Variants in GRIP1 observed in about 807,000 individuals in gnomAD.
The protein encoded by GRIP1 is glutamate receptor interacting protein 1.
Under a neutral mutation model 129.9 loss-of-function variants are expected in GRIP1, and 45 were observed. The ratio of observed to expected loss-of-function variants is 0.35; its 90% CI spans 0.27 to 0.44. The LOEUF is 0.44. Ranked by LOEUF, GRIP1 falls within the 20% of genes least tolerant of loss-of-function variation. The pLI, the probability that GRIP1 is intolerant of heterozygous loss-of-function variation, is 1.00. For synonymous variants in GRIP1, 530 were observed against 520.8 expected, an observed-to-expected ratio of 1.02 and a Z score of -0.24; for missense variants, 1,196 against 1,396.8, an observed-to-expected ratio of 0.86 and a Z score of 2.29.
chr12:66,995,016 T>G (rs766540717), intron 1 of GRIP1, among the ~76,000 whole-genome samples: 1 of 152,068 alleles, frequency 6.6e-6, no homozygotes, highest in Non-Finnish European at 1.5e-5. Flanking sequence ...TGGAGTAGAA[T>G]TATGAGTCCA....
intron 17 of GRIP1, among the ~76,000 whole-genome samples, chr12:66,393,956 T>C (rs576788689): frequency 2.0e-5 from 3 of 152,260 alleles, no homozygotes; most frequent in African/African-American, 4.8e-5. Context: ...CTTCAGTCAA[T>C]TGTGGTCAGC....
intron 23 of GRIP1, among the ~76,000 whole-genome samples, chr12:66,369,318 T>C (rs1222419750): frequency 8.2e-5 from 12 of 145,602 alleles, no homozygotes; most frequent in Admixed American, 7.4e-4. Context: ...GGATGATACT[T>C]TTTTTTTCTT....
At chr12:66,589,194 T>TCTCTCTCTCTCTC (rs2063757008) in intron 2 of GRIP1, among the ~76,000 whole-genome samples, 9 of 95,604 alleles carry the variant, frequency 9.4e-5, no homozygotes, top group African/African-American at 4.1e-4. Context: ...CTCCCCCACC[T>TCTCTCTCTCTCTC]TCTCTCTCTC....
At chr12:66,858,063 A>G (rs2040037904) in intron 1 of GRIP1, among the ~76,000 whole-genome samples, 1 of 142,658 alleles carries the variant, frequency 7.0e-6, no homozygotes, top group Non-Finnish European at 1.5e-5. Context: ...AAGTCTCTCA[A>G]CAATATTCAC....
chr12:66,877,080 A>G (rs925947728), intron 1 of GRIP1, among the ~76,000 whole-genome samples: 6 of 152,004 alleles, frequency 3.9e-5, no homozygotes, highest in Non-Finnish European at 8.8e-5. Flanking sequence ...AACTTTATCA[A>G]TGACGGGTTA....
intron 1 of GRIP1, among the ~76,000 whole-genome samples, chr12:67,016,460 A>C (rs1714375152): frequency 6.6e-6 from 1 of 152,154 alleles, no homozygotes; most frequent in African/African-American, 2.4e-5. Flanking sequence ...CTCACACTAA[A>C]CCCTTGGACT....
At chr12:67,039,820 T>C (rs1342449536) in intron 1 of GRIP1, among the ~76,000 whole-genome samples, 1 of 152,224 alleles carries the variant, frequency 6.6e-6, no homozygotes, top group African/African-American at 2.4e-5. Context: ...TTTGTACTCC[T>C]GGTGACTCAT....
chr12:66,929,194 A>G lies in GRIP1; in HGVS notation c.58+139856T>C, dbSNP rs73333027. 5.4e-3 allele frequency among the ~76,000 whole-genome samples: 825 copies of G among 152,286 alleles called. 8 individuals carry two copies. The highest frequency in any genetic ancestry group is 0.019 in the African/African-American group (777 of 41,552). ...TGAGGCTACAGATCACTTCTTGAAC[A>G]TGCCCTGCACCTCAATGCCTTTGTT... On this transcript the variant is annotated intron_variant, in intron 1 of 1. Transcript: ENST00000643019.
intron 1 of GRIP1, among the ~76,000 whole-genome samples, chr12:66,723,457 C>T (rs892674721): frequency 1.3e-5 from 2 of 151,566 alleles, no homozygotes; most frequent in Admixed American, 6.6e-5. Context: ...GGACTACAGG[C>T]GTGCGCCACC....
intron 1 of GRIP1, among the ~76,000 whole-genome samples, chr12:66,911,426 T>C (rs1415387378): frequency 6.6e-6 from 1 of 152,176 alleles, no homozygotes; most frequent in Non-Finnish European, 1.5e-5. Flanking sequence ...CTTTTAAGAT[T>C]GGAGTTCAGT....
chr12:66,683,503 T>G (rs1212700740), upstream of GRIP1, among the ~76,000 whole-genome samples: 2 of 152,158 alleles, frequency 1.3e-5, no homozygotes, highest in Non-Finnish European at 1.5e-5. Flanking sequence ...TTAAAGCAAA[T>G]ATTTTATGAG....
intron 4 of GRIP1, among the ~76,000 whole-genome samples, chr12:66,533,950 G>A (rs1461055785): frequency 1.3e-5 from 2 of 151,340 alleles, no homozygotes; most frequent in African/African-American, 4.9e-5. Flanking sequence ...GACTCAAACT[G>A]CTGTGATCCT....
chr12:66,465,492 G>A lies in GRIP1; in HGVS notation c.725-70C>T, dbSNP rs1000464074. The stretch of plus-strand genomic sequence containing the variant: ...AAGCAAAGAGACAAAAGAAAGAGAT[G>A]AAGAATATTCAGTTTGGTGTTAGCC... On this transcript the variant is annotated intron_variant, in intron 7 of 24. Coordinates refer to ENST00000359742, the MANE Select transcript of GRIP1 (RefSeq NM_001366722.1). 3.0e-6 allele frequency: 4 copies of A among 1,351,846 alleles called. No individual in the cohort carries two copies. The African/African-American group carries it at 5.8e-5, about 20-fold the overall frequency. The allele number at this position is 1,351,846 out of a possible 1,614,324, so 83.7% of individuals were successfully genotyped here.
chr12:66,638,597 C>A (rs889594124), intron 1 of GRIP1, among the ~76,000 whole-genome samples: 4 of 152,106 alleles, frequency 2.6e-5, no homozygotes, highest in African/African-American at 9.7e-5. Context: ...CTAGTTTAAG[C>A]ACTTCTCTTA....
At chr12:66,553,892 C>CCT (rs2062228032) in intron 2 of GRIP1, among the ~76,000 whole-genome samples, 1 of 152,022 alleles carries the variant, frequency 6.6e-6, no homozygotes, top group Non-Finnish European at 1.5e-5. Context: ...ATCCTCCATC[C>CCT]CAGCAGTTGC....
At chr12:66,777,450 GCCC>G (rs1274203211) in intron 1 of GRIP1, among the ~76,000 whole-genome samples, 2 of 152,018 alleles carry the variant, frequency 1.3e-5, no homozygotes, top group African/African-American at 4.8e-5. Context: ...GATGGAAACT[GCCC>G]CCCAACACAG....
chr12:66,488,476 T>C (rs1239355466), intron 7 of GRIP1, among the ~76,000 whole-genome samples: 2 of 152,140 alleles, frequency 1.3e-5, no homozygotes, highest in Non-Finnish European at 2.9e-5. Context: ...GCTAAAGTAA[T>C]GTTAAGAAGA....
chr12:66,815,767 C>CCAAA (rs71069020), intron 1 of GRIP1, among the ~76,000 whole-genome samples: 37,641 of 150,990 alleles, frequency 0.25, 5,298 homozygotes, highest in Non-Finnish European at 0.32. Context: ...CCGACTCAAA[C>CCAAA]CAAACAAACA....
chr12:66,662,267 T>C (rs1208095433), intron 1 of GRIP1, among the ~76,000 whole-genome samples: 2 of 152,130 alleles, frequency 1.3e-5, no homozygotes, highest in Admixed American at 6.6e-5. Context: ...TCTCAGTTCA[T>C]TGCCTGCTGT....
Sources: allele counts gnomAD v4.1 joint callset (sites outside exome capture counted in the v4.1 genomes callset), GRCh38; gene constraint gnomAD v4.1.1; transcripts MANE v1.5; gene names NCBI Gene and HGNC (gene_info 2026-07-23, HGNC 2026-07-21).